The following MAL variants were observed in gnomAD, a reference collection of about 807,000 sequenced individuals.
MAL encodes mal, T cell differentiation protein (MAL blood group).
A neutral mutation model predicts 16.7 loss-of-function variants in MAL; 5 were observed. That is an observed-to-expected ratio of 0.30 (90% CI 0.16 to 0.63). MAL has a LOEUF of 0.63. Ranked by LOEUF, MAL falls within the 30% of genes least tolerant of loss-of-function variation. MAL has a pLI of 0.82. For synonymous variants in MAL, 96 were observed against 85.5 expected (o/e 1.12, Z -0.67); for missense variants, 202 against 195.8 (o/e 1.03, Z -0.19).
intron 1 of MAL, chr2:95,026,545 G>A (rs1673944066): frequency 6.6e-6 from 1 of 151,748 alleles, no homozygotes; most frequent in African/African-American, 2.4e-5. Flanking sequence ...AGCGATCCGC[G>A]CGCCTCGACT....
intron 1 of MAL, among the ~76,000 whole-genome samples, chr2:95,042,358 A>G (rs959772940): frequency 3.3e-5 from 5 of 152,202 alleles, no homozygotes; most frequent in African/African-American, 1.2e-4. Flanking sequence ...CATCTGCCCC[A>G]TCACTCTGCT....
intron 1 of MAL, among the ~76,000 whole-genome samples, chr2:95,035,241 T>C (rs116778080): frequency 0.031 from 4,759 of 152,316 alleles, 100 homozygotes; most frequent in Non-Finnish European, 0.052. Context: ...TAAATCCCTT[T>C]TGTTTTTCTT....
intron 1 of MAL, among the ~76,000 whole-genome samples, chr2:95,041,909 G>A (rs942368288): frequency 1.3e-5 from 2 of 152,066 alleles, no homozygotes; most frequent in Non-Finnish European, 2.9e-5. Flanking sequence ...CATGTTCTTA[G>A]AGAAGCTCAA....
At position 95,047,991 on chromosome 2, in the gene MAL, C is replaced by T; in HGVS notation, c.126C>T (p.Ala42=). The change falls in exon 2 of 4, where the codon GCC becomes GCT. Residue 42 remains alanine, a synonymous_variant. Coordinates refer to ENST00000309988, the MANE Select transcript of MAL (RefSeq NM_002371.4). The part of the protein sequence containing the change: ...IFGGLVWILV[A]SSLVPWPLVQ... ...GGGGCCTGGTGTGGATCCTGGTGGCCTCCTCCCTGGTGCCCTGGCCCCTGG... is the reference window on the plus strand; with the variant it reads ...GGGGCCTGGTGTGGATCCTGGTGGCTTCCTCCCTGGTGCCCTGGCCCCTGG... The T allele has an allele frequency of 6.2e-7, 1 of 1,613,796 alleles. No individual in the cohort carries two copies. Among genetic ancestry groups the T allele is most frequent in the Non-Finnish European group, 8.5e-7 (1 of 1,179,910 alleles).
chr2:95,040,698 G>A (rs1206594118), intron 1 of MAL, among the ~76,000 whole-genome samples: 3 of 152,132 alleles, frequency 2.0e-5, no homozygotes, highest in East Asian at 1.9e-4. Flanking sequence ...GGAGCTTCCC[G>A]CAGTCCTCCC....
At chr2:95,029,502 G>C (rs1458234332) in intron 1 of MAL, among the ~76,000 whole-genome samples, 1 of 152,228 alleles carries the variant, frequency 6.6e-6, no homozygotes, top group Non-Finnish European at 1.5e-5. Context: ...ACTTTGGATA[G>C]TTCCAATTTG....
chr2:95,030,194 A>C (rs921705642), intron 1 of MAL, among the ~76,000 whole-genome samples: 1 of 152,228 alleles, frequency 6.6e-6, no homozygotes, highest in African/African-American at 2.4e-5. Context: ...AAAGCTGCAG[A>C]GTCCTCACAG....
rs191410986 is a variant in MAL at position 95,044,813 on chromosome 2, G to A, written c.94-3146G>A. Among the ~76,000 whole-genome samples, 840 of 152,346 alleles carry A rather than the reference G, an allele frequency of 5.5e-3. 6 individuals carry two copies. The highest frequency in any genetic ancestry group is 8.4e-3 in the Non-Finnish European group (574 of 68,024). On this transcript the variant is annotated intron_variant, in intron 1 of 3. Coordinates refer to ENST00000309988, the MANE Select transcript of MAL (RefSeq NM_002371.4). Reference sequence around the variant, plus strand: ...GAAGCTCAGAGCCCAGGCTGTGGCTGCAGCCAGCAAGGTGCACACAGGAGG... The same window carrying A: ...GAAGCTCAGAGCCCAGGCTGTGGCTACAGCCAGCAAGGTGCACACAGGAGG...
At chr2:95,039,204 GTGAC>G (rs1453488984) in intron 1 of MAL, among the ~76,000 whole-genome samples, 4 of 150,356 alleles carry the variant, frequency 2.7e-5, no homozygotes, top group Admixed American at 6.6e-5. Flanking sequence ...GACTGAGTGA[GTGAC>G]TGAGTGAGTG....
At chr2:95,026,646 A>G (rs982587875) in intron 1 of MAL, 1 of 151,714 alleles carries the variant, frequency 6.6e-6, no homozygotes, top group African/African-American at 2.4e-5. Flanking sequence ...AGCGCTTCCT[A>G]CTGAGAACTC....
chr2:95,028,543 C>G (rs1189338853), intron 1 of MAL, among the ~76,000 whole-genome samples: 1 of 152,128 alleles, frequency 6.6e-6, no homozygotes, highest in East Asian at 1.9e-4. Context: ...AAATTACCCT[C>G]TGACCCAGCA....
intron 1 of MAL, among the ~76,000 whole-genome samples, chr2:95,046,348 G>A (rs558482075): frequency 5.9e-5 from 9 of 152,198 alleles, no homozygotes; most frequent in Non-Finnish European, 8.8e-5. Flanking sequence ...GGAGTGCTTC[G>A]AGCCCAGTCC....
intron 1 of MAL, among the ~76,000 whole-genome samples, chr2:95,039,307 G>GGTGAGTGA (rs796660834): frequency 1.5e-5 from 1 of 66,570 alleles, no homozygotes; most frequent in Non-Finnish European, 3.1e-5. Flanking sequence ...TGACTGAGTG[G>GGTGAGTGA]GTGAGTGAGT....
At chr2:95,030,348 CT>C (rs1000267522) in intron 1 of MAL, among the ~76,000 whole-genome samples, 17 of 152,242 alleles carry the variant, frequency 1.1e-4, no homozygotes, top group African/African-American at 3.6e-4. Context: ...ATGCTCTCCC[CT>C]CCTCCAACAA....
chr2:95,034,670 G>C (rs1256081150), intron 1 of MAL, among the ~76,000 whole-genome samples: 1 of 152,056 alleles, frequency 6.6e-6, no homozygotes, highest in Non-Finnish European at 1.5e-5. Flanking sequence ...TGGATTGAGG[G>C]GCCTGGCAGG....
intron 1 of MAL, among the ~76,000 whole-genome samples, chr2:95,045,403 C>A (rs893259076): frequency 1.3e-5 from 2 of 152,168 alleles, no homozygotes; most frequent in Non-Finnish European, 2.9e-5. Flanking sequence ...AGACCAAGGC[C>A]CGTTAGCTGA....
At chr2:95,046,642 G>A (rs929113512) in intron 1 of MAL, among the ~76,000 whole-genome samples, 6 of 152,110 alleles carry the variant, frequency 3.9e-5, no homozygotes, top group African/African-American at 9.6e-5. Context: ...TGACCCTGGC[G>A]ACATCAACTG....
In MAL at chr2:95,025,835, G is replaced by C; in HGVS notation, c.43G>C (p.Gly15Arg). ...GACGGGGGGCAGCACCCTGCCCAGT[G>C]GCTTCTCGGTCTTCACCACCTTGCC... ...AATGGSTLPS[G>R]FSVFTTLPDL... Residue 15 changes from glycine to arginine, a missense_variant, in exon 1 of 4, where the codon GGC becomes CGC. By Grantham distance (125) the Gly-to-Arg change is moderately radical. Coordinates refer to ENST00000309988, the MANE Select transcript of MAL (RefSeq NM_002371.4). The surrounding 1 kb of genome is among the most constrained non-coding windows in gnomAD (Gnocchi z 5.6). The C allele has an allele frequency of 1.3e-6, 2 of 1,578,504 alleles. No homozygotes were observed. The highest frequency in any genetic ancestry group is 1.7e-6 in the Non-Finnish European group (2 of 1,163,052).
At chr2:95,030,040 G>A (rs940274412) in intron 1 of MAL, among the ~76,000 whole-genome samples, 3 of 152,202 alleles carry the variant, frequency 2.0e-5, no homozygotes, top group African/African-American at 4.8e-5. Flanking sequence ...CCTGGGAGGC[G>A]CAGATGTCCA....
Sources: allele counts gnomAD v4.1 joint callset (sites outside exome capture counted in the v4.1 genomes callset), GRCh38; gene constraint gnomAD v4.1.1; non-coding constraint Gnocchi (gnomAD v3.1); transcripts MANE v1.5; gene names NCBI Gene and HGNC (gene_info 2026-07-23, HGNC 2026-07-21).